FAM53A: variants seen among roughly 807,000 people sequenced by gnomAD.
FAM53A encodes protein FAM53A.
A neutral mutation model predicts 26.6 loss-of-function variants in FAM53A; 28 were observed. The observed-to-expected ratio is 1.05, with a 90% CI of 0.78 to 1.45. FAM53A has a LOEUF of 1.45. Ranked by LOEUF, FAM53A falls within the 40% of genes most tolerant of loss-of-function variation. The probability of loss-of-function intolerance (pLI) is 0.00; values close to 1 mark genes in which losing one functional copy is unlikely to be tolerated. For missense variants in FAM53A, 650 were observed against 575.8 expected (o/e 1.13, Z -1.32); for synonymous variants, 290 against 253.1 (o/e 1.15, Z -1.38).
intron 4 of FAM53A, among the ~76,000 whole-genome samples, chr4:1,641,864 G>A (rs533409160): frequency 2.0e-5 from 3 of 152,140 alleles, no homozygotes; most frequent in South Asian, 4.1e-4. Flanking sequence ...GGGCAGAGAC[G>A]CACAGCCTGG....
At chr4:1,586,852 A>C in the FAM53A span, among the ~76,000 whole-genome samples, 1 of 151,564 alleles carries the variant, frequency 6.6e-6, no homozygotes, top group African/African-American at 2.4e-5. Flanking sequence ...AATTTTTTGA[A>C]GCACCTCTGT....
the FAM53A span, among the ~76,000 whole-genome samples, chr4:1,598,804 C>A: frequency 1.3e-5 from 2 of 152,238 alleles, no homozygotes; most frequent in African/African-American, 4.8e-5. Flanking sequence ...TGGAGCCCGG[C>A]GGGCGGAGCG....
chr4:1,658,058 T>C (rs1354285506), intron 2 of FAM53A, among the ~76,000 whole-genome samples: 3 of 151,940 alleles, frequency 2.0e-5, no homozygotes, highest in Non-Finnish European at 4.4e-5. Context: ...TTGCTCAGAC[T>C]GGAGTGCAGT....
At chr4:1,605,134 C>G in the FAM53A span, among the ~76,000 whole-genome samples, 79 of 152,352 alleles carry the variant, frequency 5.2e-4, no homozygotes, top group African/African-American at 1.8e-3. The surrounding 1 kb of genome is among the most constrained non-coding windows in gnomAD (Gnocchi z 5.7). Context: ...CAAAGCTGAG[C>G]GGCTTCCACC....
the FAM53A span, among the ~76,000 whole-genome samples, chr4:1,602,945 G>A: frequency 1.3e-5 from 2 of 152,214 alleles, no homozygotes; most frequent in African/African-American, 2.4e-5. Context: ...CACGGCACTC[G>A]GGTCATGGGG....
chr4:1,592,972 C>T, the FAM53A span, among the ~76,000 whole-genome samples: 2 of 152,098 alleles, frequency 1.3e-5, no homozygotes, highest in Non-Finnish European at 2.9e-5. Flanking sequence ...GCAACGGAAC[C>T]GGCCCTGATT....
chr4:1,633,779 C>T (rs998019153), intron 1 of FAM53A, among the ~76,000 whole-genome samples: 4 of 151,938 alleles, frequency 2.6e-5, no homozygotes, highest in African/African-American at 9.7e-5. Context: ...CTAATGCATT[C>T]GATATTCCTC....
chr4:1,681,664 T>G (rs1715451059), intron 1 of FAM53A, among the ~76,000 whole-genome samples: 1 of 151,876 alleles, frequency 6.6e-6, no homozygotes, highest in African/African-American at 2.4e-5. Context: ...ACCCAGCTCA[T>G]TTTTTATTTT....
the FAM53A span, among the ~76,000 whole-genome samples, chr4:1,584,416 C>T: frequency 1.3e-5 from 2 of 152,356 alleles, no homozygotes; most frequent in Non-Finnish European, 2.9e-5. Context: ...ATTTTCCCAA[C>T]ATTATATGTT....
chr4:1,616,468 T>C (rs115949314), downstream of FAM53A, among the ~76,000 whole-genome samples: 10 of 151,998 alleles, frequency 6.6e-5, no homozygotes, highest in African/African-American at 2.2e-4. Context: ...GGTGTCACAG[T>C]GAGACTCCAT....
chr4:1,673,500 G>A (rs956592133), intron 1 of FAM53A, among the ~76,000 whole-genome samples: 12 of 152,214 alleles, frequency 7.9e-5, no homozygotes, highest in African/African-American at 7.2e-5. Context: ...TTGGGAGGCC[G>A]AGGAGGGTAG....
chr4:1,601,225 C>A, the FAM53A span, among the ~76,000 whole-genome samples: 2 of 116,210 alleles, frequency 1.7e-5, 1 homozygote, highest in African/African-American at 5.5e-5. Flanking sequence ...CCTGGAGCCG[C>A]AACAGGTCGG....
downstream of FAM53A, among the ~76,000 whole-genome samples, chr4:1,636,885 G>A (rs187005299): frequency 2.0e-3 from 181 of 89,840 alleles, 1 homozygote; most frequent in Non-Finnish European, 3.1e-3. Flanking sequence ...TGCTCTTGCT[G>A]GGGGGGGGTC....
intron 1 of FAM53A, among the ~76,000 whole-genome samples, chr4:1,678,134 G>A (rs57286816): frequency 0.016 from 2,495 of 152,164 alleles, 70 homozygotes; most frequent in African/African-American, 0.055. Context: ...TACTGTGGAA[G>A]GCTTGGGCCC....
chr4:1,627,535 C>A (rs1011808070), intron 1 of FAM53A, among the ~76,000 whole-genome samples: 6 of 152,188 alleles, frequency 3.9e-5, no homozygotes, highest in African/African-American at 1.2e-4. Flanking sequence ...CCCCAGCAGA[C>A]CCTGCCAGGC....
chr4:1,684,119 G>A (rs1006955683), intron 1 of FAM53A, 114 bp downstream of exon 1: 1 of 151,588 alleles, frequency 6.6e-6, no homozygotes, highest in African/African-American at 2.4e-5. Context: ...CCGCGCCCAC[G>A]ACCGCCCGCG....
At chr4:1,677,073 C>G (rs1178136820) in intron 1 of FAM53A, among the ~76,000 whole-genome samples, 1 of 152,134 alleles carries the variant, frequency 6.6e-6, no homozygotes, top group Non-Finnish European at 1.5e-5. Flanking sequence ...GTGCTCTAGC[C>G]CACTCGGGGC....
chr4:1,665,016 T>A (rs558606111), intron 2 of FAM53A, among the ~76,000 whole-genome samples: 17 of 149,454 alleles, frequency 1.1e-4, no homozygotes, highest in South Asian at 4.3e-4. Flanking sequence ...AATAATTTTT[T>A]AAAAAATCCT....
intron 1 of FAM53A, among the ~76,000 whole-genome samples, chr4:1,624,866 CG>C (rs1394183087): frequency 6.6e-6 from 1 of 152,156 alleles, no homozygotes; most frequent in African/African-American, 2.4e-5. Context: ...TCCTATGTCC[CG>C]GCCCACGTGG....
Sources: gnomAD v4.1 joint callset for allele counts (sites outside exome capture counted in the v4.1 genomes callset) on GRCh38, gnomAD v4.1.1 for gene constraint, Gnocchi (gnomAD v3.1) non-coding constraint, MANE v1.5 for transcripts, NCBI Gene and HGNC (gene_info 2026-07-23, HGNC 2026-07-21) for gene names.